The following CFAP65 variants were observed in gnomAD, a reference collection of about 807,000 sequenced individuals.
CFAP65 encodes cilia- and flagella-associated protein 65.
CFAP65 carries 155 observed loss-of-function variants against 208.0 expected under a neutral mutation model. The observed-to-expected ratio is 0.75, with a 90% CI of 0.65 to 0.85. The LOEUF (loss-of-function observed/expected upper bound fraction) is 0.85, where lower values mean the gene tolerates loss of function less well. Ranked by LOEUF, CFAP65 falls within the 40% of genes least tolerant of loss-of-function variation. The pLI, the probability that CFAP65 is intolerant of heterozygous loss-of-function variation, is 0.00. For synonymous variants in CFAP65, 970 were observed against 986.3 expected, an observed-to-expected ratio of 0.98 and a Z score of 0.31; for missense variants, 2,294 against 2,451.3, an observed-to-expected ratio of 0.94 and a Z score of 1.36.
intron 29 of CFAP65, among the ~76,000 whole-genome samples, chr2:219,006,715 T>C (rs1276056952): frequency 6.6e-6 from 1 of 151,972 alleles, no homozygotes; most frequent in Admixed American, 6.6e-5. Flanking sequence ...GTGCCTGTAG[T>C]CTCAGCTGCT....
At position 219,010,723 on chromosome 2, in the gene CFAP65, G is replaced by T; in HGVS notation, c.4150-19C>A. On this transcript the variant is annotated intron_variant, in intron 25 of 34. Coordinates refer to ENST00000341552, the MANE Select transcript of CFAP65 (RefSeq NM_194302.4). ...CGTCCACCTGGGGAGTTAGGAGGGTGGGGGTAGGGACTGGTCAGAGGGAGG... is the reference window on the plus strand; with the variant it reads ...CGTCCACCTGGGGAGTTAGGAGGGTTGGGGTAGGGACTGGTCAGAGGGAGG... 1.9e-6 allele frequency: 3 copies of T among 1,598,462 alleles called. No individual in the cohort carries two copies. The highest frequency in any genetic ancestry group is 2.6e-6 in the Non-Finnish European group (3 of 1,172,028).
chr2:219,009,656 T>C (rs1946303755), intron 27 of CFAP65, among the ~76,000 whole-genome samples, 196 bp from the exon 28 acceptor site: 1 of 89,002 alleles, frequency 1.1e-5, no homozygotes, highest in African/African-American at 5.3e-5. Context: ...TGGGATGGGA[T>C]AGGATGGGGT....
chr2:219,040,430 A>T, intron 2 of CFAP65, 89 bp downstream of exon 2: 1 of 775,918 alleles, frequency 1.3e-6, no homozygotes, highest in Non-Finnish European at 2.3e-6. Context: ...GGGACTATCT[A>T]GATTCAGTCG....
At position 219,022,117 on chromosome 2, in the gene CFAP65, C is replaced by T. The variant is rs910657258; in HGVS notation, c.2979+54G>A. 4 of 1,517,682 alleles carry T rather than the reference C, an allele frequency of 2.6e-6. No individual in the cohort carries two copies. In the African/African-American group the frequency reaches 4.2e-5, roughly 16 times the overall value. The allele number at this position is 1,517,682 out of a possible 1,614,324, so 94.0% of individuals were successfully genotyped here. On this transcript the variant is annotated intron_variant, in intron 17 of 34. Coordinates refer to ENST00000341552, the MANE Select transcript of CFAP65 (RefSeq NM_194302.4). ...GGGAGGTTCCCTGGGGCCTTCCCTC[C>T]CACCTGTCCGGGCCTCTCCCCCAGC...
At chr2:219,008,106 A>T (rs1386077137) in intron 29 of CFAP65, among the ~76,000 whole-genome samples, 3 of 152,228 alleles carry the variant, frequency 2.0e-5, no homozygotes, top group African/African-American at 7.2e-5. Context: ...GGTGTGAGCC[A>T]CCATGCCCAG....
Position 219,031,040 on chromosome 2 carries a change from G to C in CFAP65, c.1015+66C>G, listed in dbSNP as rs1947986435. The C allele has an allele frequency of 2.0e-6, 3 of 1,511,752 alleles. No homozygotes were observed. The African/African-American group carries it at 4.1e-5, about 21-fold the overall frequency. 93.6% of individuals were successfully genotyped at this position (1,511,752 alleles called of 1,614,324 possible). On this transcript the variant is annotated intron_variant, in intron 8 of 34. Transcript: ENST00000341552. This position sits in a 1 kb window ranked among gnomAD's most constrained non-coding sequence, Gnocchi z 5.2. ...GGCCAGATGGGAGGTGGGGGACACTGAGGCCTGGAGGACCCAGAAGGTGCA... is the reference window on the plus strand; with the variant it reads ...GGCCAGATGGGAGGTGGGGGACACTCAGGCCTGGAGGACCCAGAAGGTGCA...
chr2:219,014,281 A>T (rs557994775), intron 21 of CFAP65: 1 of 382,546 alleles, frequency 2.6e-6, no homozygotes, highest in East Asian at 4.0e-5. Flanking sequence ...AGAAGTGAAG[A>T]GTGGGGCTCC....
rs57023019 is a variant in CFAP65 at position 219,004,822 on chromosome 2, G to T, written c.5052-367C>A. Among the ~76,000 whole-genome samples, 8,869 of 146,892 alleles carry T rather than the reference G, an allele frequency of 0.06. 854 individuals are homozygous for T. Among genetic ancestry groups the T allele is most frequent in the African/African-American group, 0.22 (8,280 of 37,748 alleles). On this transcript the variant is annotated intron_variant, in intron 32 of 34. Coordinates refer to ENST00000341552, the MANE Select transcript of CFAP65 (RefSeq NM_194302.4). This position sits in a 1 kb window ranked among gnomAD's most constrained non-coding sequence, Gnocchi z 4.7. ...CATCAGAGCCCCACTGTCCTGGGGT[G>T]GGGGGGCCGGGGGGGGGGACCGTGG... is the stretch of plus-strand genomic sequence containing the variant.
At chr2:219,023,950 G>A in intron 15 of CFAP65, 65 bp downstream of exon 15, 33 of 1,557,852 alleles carry the variant, frequency 2.1e-5, no homozygotes, top group Non-Finnish European at 2.8e-5. Context: ...ATATGGCCTT[G>A]AAAAGGGTGG....
At chr2:219,006,868 A>C (rs967398694) in intron 29 of CFAP65, among the ~76,000 whole-genome samples, 6 of 151,654 alleles carry the variant, frequency 4.0e-5, no homozygotes, top group African/African-American at 1.5e-4. Context: ...TGAGAGGCTA[A>C]AGAGACTCCC....
intron 14 of CFAP65, 114 bp downstream of exon 14, chr2:219,025,908 A>C: frequency 1.5e-6 from 2 of 1,321,200 alleles, no homozygotes; most frequent in Non-Finnish European, 2.1e-6. Context: ...ACAGCCAGGG[A>C]GGGTGCAAAG....
In CFAP65 at chr2:219,037,765, C is replaced by T. The variant is rs115868588; in HGVS notation, c.357+610G>A. On this transcript the variant is annotated intron_variant, in intron 4 of 34. Coordinates refer to ENST00000341552, the MANE Select transcript of CFAP65 (RefSeq NM_194302.4). ...GTCTTTTAAAACATGACCCTCAGTCCACAGGGAGGCAAGGGCAGCACACCT... is the reference window on the plus strand; with the variant it reads ...GTCTTTTAAAACATGACCCTCAGTCTACAGGGAGGCAAGGGCAGCACACCT... Among the ~76,000 whole-genome samples, 1,246 of 152,228 alleles carry T rather than the reference C, an allele frequency of 8.2e-3. 8 individuals carry two copies. Among genetic ancestry groups the T allele is most frequent in the Non-Finnish European group, 0.014 (950 of 68,018 alleles).
rs772070772 is a variant in CFAP65, at chr2:219,004,211, C to T, written c.5296G>A (p.Glu1766Lys). The change falls in exon 33 of 35, where the codon GAG becomes AAG. Residue 1766 changes from glutamate (E) to lysine (K), a missense_variant. Transcript: ENST00000341552. This position sits in a 1 kb window ranked among gnomAD's most constrained non-coding sequence, Gnocchi z 4.7. ...TCTTCTTCTTCCTCTTCACCCTTCT[C>T]CTCCTCCCCCTCTTCCTTCTTTCCC... Reference protein sequence around the residue: ...GLGKKEEGEEEKGEEEEEELE... With the variant: ...GLGKKEEGEEKKGEEEEEELE... 6.2e-7 allele frequency: 1 copy of T among 1,614,018 alleles called. No individual in the cohort carries two copies. Among genetic ancestry groups the T allele is most frequent in the South Asian group, 1.1e-5 (1 of 91,066 alleles).
rs751172989 is a variant in CFAP65 at position 219,002,899 on chromosome 2, A to AC, written c.*37dup. ...GGCGGTGGAGAGGGGGCCAGGCGTG[A>AC]CCCCTAGCGGCATGTCGGAGAGGCT... On this transcript the variant is annotated 3_prime_UTR_variant, in exon 35 of 35. Transcript: ENST00000341552. The surrounding 1 kb of genome is among the most constrained non-coding windows in gnomAD (Gnocchi z 7.9). 6.6e-7 allele frequency: 1 copy of AC among 1,518,204 alleles called. No individual in the cohort carries two copies. Among genetic ancestry groups the AC allele is most frequent in the South Asian group, 1.2e-5 (1 of 83,662 alleles). 94.0% of individuals were successfully genotyped at this position (1,518,204 alleles called of 1,614,324 possible).
At chr2:219,018,748 G>A (rs1947071614) in intron 21 of CFAP65, 2 of 378,234 alleles carry the variant, frequency 5.3e-6, no homozygotes, top group Admixed American at 8.2e-5. Context: ...GCAGGTCCTG[G>A]CATGCAGCAG....
intron 1 of CFAP65, 187 bp downstream of exon 1, chr2:219,041,301 T>C: frequency 1.9e-6 from 1 of 536,222 alleles, no homozygotes; most frequent in South Asian, 3.0e-5. Context: ...TTCTTCTTTC[T>C]CTTCGGGATC....
chr2:219,035,100 G>GAA (rs75235414), intron 5 of CFAP65: 3,338 of 314,290 alleles, frequency 0.011, no homozygotes, highest in South Asian at 0.016. Flanking sequence ...AACTACGCAG[G>GAA]AAAAAAAAAA....
rs1376445309 is a variant in CFAP65, at chr2:219,006,529, C to T, written c.4675-20G>A. 1 of 1,613,094 alleles carries T rather than the reference C, an allele frequency of 6.2e-7. No individual in the cohort carries two copies. Among genetic ancestry groups the T allele is most frequent in the Admixed American group, 1.7e-5 (1 of 60,006 alleles). ...TCTCTTCTGTGGAAAAAGAGAGATC[C>T]TTGCTTAAGATACAAGAGGCCCGGC... On this transcript the variant is annotated intron_variant, in intron 29 of 34. Transcript: ENST00000341552.
chr2:219,004,061 G>A lies in CFAP65; in HGVS notation c.5446C>T (p.Pro1816Ser). Reference sequence around the variant, plus strand: ...TCCTGGGACTCAGGCTGTGGTGTGGGCCCGATGCCCGCCCAGCTCACTTTC... The same window carrying A: ...TCCTGGGACTCAGGCTGTGGTGTGGACCCGATGCCCGCCCAGCTCACTTTC... ...EEKVSWAGIG[P>S]TPQPESQESM... Residue 1816 changes from proline (P) to serine (S), a missense_variant, in exon 33 of 35, where the codon CCC becomes TCC. Around this residue, in one of 2 missense-constraint regions of CFAP65, gnomAD observed 1,427 missense variants for 1,438.7 expected, o/e 0.99. Transcript: ENST00000341552. The surrounding 1 kb of genome is among the most constrained non-coding windows in gnomAD (Gnocchi z 4.7). 2.5e-6 allele frequency: 4 copies of A among 1,614,012 alleles called. No individual in the cohort carries two copies. The highest frequency in any genetic ancestry group is 3.4e-6 in the Non-Finnish European group (4 of 1,180,014).
Sources: gnomAD v4.1 joint callset for allele counts (sites outside exome capture counted in the v4.1 genomes callset) on GRCh38, gnomAD v4.1.1 for gene constraint, gnomAD v4.1.1 regional missense constraint, Gnocchi (gnomAD v3.1) non-coding constraint, MANE v1.5 for transcripts, NCBI Gene and HGNC (gene_info 2026-07-23, HGNC 2026-07-21) for gene names.